MCOLN2: variants seen among roughly 807,000 people sequenced by gnomAD.
MCOLN2 encodes the protein mucolipin TRP cation channel 2.
Under a neutral mutation model 67.5 loss-of-function variants are expected in MCOLN2, and 57 were observed. That is an observed-to-expected ratio of 0.84 (90% confidence interval 0.68 to 1.05). The LOEUF (loss-of-function observed/expected upper bound fraction) is 1.05, where lower values mean the gene tolerates loss of function less well. Ranked by LOEUF, MCOLN2 falls within the 50% of genes least tolerant of loss-of-function variation. MCOLN2 has a pLI of 0.00. For missense variants in MCOLN2, 620 were observed against 678.8 expected, an observed-to-expected ratio of 0.91 and a Z score of 0.96; for synonymous variants, 246 against 233.3, an observed-to-expected ratio of 1.05 and a Z score of -0.50.
At chr1:84,980,825 A>C (rs777779819) in intron 1 of MCOLN2, among the ~76,000 whole-genome samples, 9 of 152,232 alleles carry the variant, frequency 5.9e-5, no homozygotes, top group Admixed American at 1.3e-4. Context: ...ATCAAGTTTA[A>C]AAGCTTCTGC....
chr1:84,953,528 C>A (rs890328014), intron 4 of MCOLN2, among the ~76,000 whole-genome samples: 2 of 137,678 alleles, frequency 1.5e-5, no homozygotes, highest in African/African-American at 2.8e-5. Flanking sequence ...CCAGCCTGGG[C>A]GACAAGAACG....
chr1:84,939,496 G>A lies in MCOLN2; in HGVS notation c.1110+57C>T, dbSNP rs188208227. 33 of 1,549,936 alleles carry A rather than the reference G, an allele frequency of 2.1e-5. No individual in the cohort carries two copies. In the East Asian group the frequency reaches 7.2e-4, roughly 34 times the overall value. On this transcript the variant is annotated intron_variant, in intron 9 of 13. Transcript: ENST00000370608. ...TCCAAAGGATGGTACGTCTTAAGAT[G>A]CCTGTGGCCATCCAGGAGAAGATGA...
At chr1:84,943,556 T>G (rs1214035398) in intron 7 of MCOLN2, among the ~76,000 whole-genome samples, 1 of 151,942 alleles carries the variant, frequency 6.6e-6, no homozygotes. Flanking sequence ...GCAACACCTC[T>G]GCAGAGACAG....
intron 1 of MCOLN2, among the ~76,000 whole-genome samples, chr1:84,968,022 CA>C (rs1393348257): frequency 6.6e-6 from 1 of 152,096 alleles, no homozygotes; most frequent in Admixed American, 6.5e-5. Context: ...GGGATACCTA[CA>C]CGAGTAACAG....
At chr1:84,951,472 T>C (rs1475811517) in intron 6 of MCOLN2, among the ~76,000 whole-genome samples, 1 of 152,114 alleles carries the variant, frequency 6.6e-6, no homozygotes, top group Non-Finnish European at 1.5e-5. Flanking sequence ...CTACTATACA[T>C]GCCCCCTCCC....
chr1:84,982,090 A>ATTTTTT (rs1458660431), intron 1 of MCOLN2, among the ~76,000 whole-genome samples: 19 of 133,276 alleles, frequency 1.4e-4, no homozygotes, highest in African/African-American at 4.2e-4. Context: ...TTTTTTTTAA[A>ATTTTTT]AAAAAGATGA....
chr1:84,970,932 A>G (rs902318126), intron 1 of MCOLN2, among the ~76,000 whole-genome samples: 17 of 152,212 alleles, frequency 1.1e-4, no homozygotes, highest in African/African-American at 4.1e-4. Context: ...GTGTTCAAGA[A>G]ATGATAACTG....
At chr1:84,935,070 G>C (rs1647346703) in intron 11 of MCOLN2, among the ~76,000 whole-genome samples, 1 of 152,206 alleles carries the variant, frequency 6.6e-6, no homozygotes, top group African/African-American at 2.4e-5. Context: ...GGAATGCCTA[G>C]CTTTTCAAGG....
At chr1:84,992,690 T>C (rs1343105036) in intron 1 of MCOLN2, among the ~76,000 whole-genome samples, 1 of 152,194 alleles carries the variant, frequency 6.6e-6, no homozygotes, top group Non-Finnish European at 1.5e-5. Flanking sequence ...GGTTTTCCAG[T>C]GCATATAAAA....
intron 6 of MCOLN2, among the ~76,000 whole-genome samples, chr1:84,949,832 C>A (rs12086089): frequency 5.7e-4 from 87 of 151,414 alleles, no homozygotes; most frequent in African/African-American, 2.1e-3. Context: ...CTATATCCAG[C>A]AAAGCCATCC....
chr1:84,967,304 A>C (rs1649430130), intron 1 of MCOLN2, among the ~76,000 whole-genome samples: 1 of 152,208 alleles, frequency 6.6e-6, no homozygotes, highest in Non-Finnish European at 1.5e-5. Context: ...TCATGGCTTA[A>C]GCCAGTTTGA....
intron 1 of MCOLN2, among the ~76,000 whole-genome samples, chr1:84,981,643 T>C (rs145368785): frequency 4.6e-5 from 7 of 152,228 alleles, no homozygotes; most frequent in African/African-American, 1.7e-4. Flanking sequence ...AGAAGGATGG[T>C]TACCAGCGGC....
At chr1:84,989,081 T>G (rs897396357) in intron 1 of MCOLN2, among the ~76,000 whole-genome samples, 7 of 152,214 alleles carry the variant, frequency 4.6e-5, no homozygotes, top group African/African-American at 7.2e-5. Context: ...CAATCTTTAT[T>G]GGTCTCCCCT....
At chr1:84,938,984 G>A (rs762823230) in intron 9 of MCOLN2, among the ~76,000 whole-genome samples, 1 of 152,206 alleles carries the variant, frequency 6.6e-6, no homozygotes, top group Non-Finnish European at 1.5e-5. Flanking sequence ...GAAGCCTGAA[G>A]AAAGCCAGAG....
chr1:84,956,020 C>T (rs1648763926), intron 4 of MCOLN2, among the ~76,000 whole-genome samples: 1 of 152,140 alleles, frequency 6.6e-6, no homozygotes, highest in South Asian at 2.1e-4. Flanking sequence ...AGTTGTTAAT[C>T]ACAATTCACC....
chr1:84,965,597 C>T lies in MCOLN2; in HGVS notation c.189G>A (p.Pro63=), dbSNP rs763732695. ...TCAAAATCTGCAAACCCAGTTTCCA[C>T]GGAATCTGGCGTCTGGCTCGGTATT... ...CEKYRARRQI[P]WKLGLQILKI... is the part of the protein sequence containing the mutation. Residue 63 remains proline (P), a synonymous_variant, in exon 2 of 14, where the codon CCG becomes CCA. Coordinates refer to ENST00000370608, the MANE Select transcript of MCOLN2 (RefSeq NM_153259.4). The T allele has an allele frequency of 1.9e-5, 31 of 1,614,004 alleles. No homozygotes were observed. Among genetic ancestry groups the T allele is most frequent in the South Asian group, 8.8e-5 (8 of 91,068 alleles).
At chr1:84,965,966 A>G (rs1649359383) in intron 1 of MCOLN2, among the ~76,000 whole-genome samples, 2 of 152,150 alleles carry the variant, frequency 1.3e-5, no homozygotes, top group Admixed American at 1.3e-4. Flanking sequence ...AAAATGGCCA[A>G]TCTCGGCCAG....
In MCOLN2 at chr1:84,931,499, A is replaced by C. The variant is rs1167243763; in HGVS notation, c.1405T>G (p.Phe469Val). ...LVNGDDMFAT[F>V]AQIQQKSILV... ...ATGCTCTTCTGCTGGATTTGGGCAA[A>C]GGTTGCAAACATGTCATCACCGTTG... Residue 469 changes from phenylalanine (F) to valine (V), a missense_variant, in exon 12 of 14, where the codon TTT becomes GTT. Phe to Val is a conservative substitution (Grantham distance 50, BLOSUM62 -1). Transcript: ENST00000370608. 1 of 1,614,074 alleles carries C rather than the reference A, an allele frequency of 6.2e-7. No homozygotes were observed. Among genetic ancestry groups the C allele is most frequent in the Non-Finnish European group, 8.5e-7 (1 of 1,179,958 alleles).
intron 11 of MCOLN2, among the ~76,000 whole-genome samples, chr1:84,935,997 C>T (rs1182750200): frequency 6.6e-6 from 1 of 152,194 alleles, no homozygotes; most frequent in East Asian, 1.9e-4. Flanking sequence ...AAAAGCTCTA[C>T]AGGGTATGGG....
Sources: gnomAD v4.1 joint callset for allele counts (sites outside exome capture counted in the v4.1 genomes callset) on GRCh38, gnomAD v4.1.1 for gene constraint, MANE v1.5 for transcripts, NCBI Gene and HGNC (gene_info 2026-07-23, HGNC 2026-07-21) for gene names.